The following KIF5A variants were observed in gnomAD, a reference collection of about 807,000 sequenced individuals.
KIF5A encodes the protein kinesin family member 5A.
KIF5A carries 35 observed loss-of-function variants against 141.3 expected under a neutral mutation model. The observed-to-expected ratio is 0.25, with a 90% CI of 0.19 to 0.33. The LOEUF (loss-of-function observed/expected upper bound fraction) is 0.33. Among genes scored for constraint, KIF5A ranks in the 10% least tolerant of loss-of-function variants. The pLI is 1.00. For missense variants in KIF5A, 861 were observed against 1,314.3 expected, an observed-to-expected ratio of 0.66 and a Z score of 5.33; for synonymous variants, 448 against 500.2, an observed-to-expected ratio of 0.90 and a Z score of 1.39.
At chr12:57,581,292 C>G (rs111584441) in intron 24 of KIF5A, 120 bp downstream of exon 24, 97 of 1,526,236 alleles carry the variant, frequency 6.4e-5, no homozygotes, top group Non-Finnish European at 3.3e-5. Context: ...CCACTTCCCC[C>G]CAAAAAGTAA....
Position 57,564,477 on chromosome 12 carries a change from T to A in KIF5A, c.414T>A (p.Ile138=). ...TTAACCAGGTTTCTTACTTTGAAAT[T>A]TACCTGGACAAAATTCGTGACCTTC... ...EFHIKVSYFE[I]YLDKIRDLLD... The change falls in exon 5 of 29, where the codon ATT becomes ATA. Residue 138 remains isoleucine, a synonymous_variant. Transcript: ENST00000455537. 1.2e-6 allele frequency: 2 copies of A among 1,612,834 alleles called. No individual in the cohort carries two copies. Among genetic ancestry groups the A allele is most frequent in the Admixed American group, 3.3e-5 (2 of 60,026 alleles).
At chr12:57,576,209 C>T in intron 18 of KIF5A, 58 bp downstream of exon 18, 1 of 1,607,790 alleles carries the variant, frequency 6.2e-7, no homozygotes, top group Non-Finnish European at 8.5e-7. Flanking sequence ...GCTGTGCTGG[C>T]CCTCACAGAG....
chr12:57,578,097 G>A lies in KIF5A; in HGVS notation c.2433+17G>A. 1 of 1,610,806 alleles carries A rather than the reference G, an allele frequency of 6.2e-7. No individual in the cohort carries two copies. Among genetic ancestry groups the A allele is most frequent in the African/African-American group, 1.3e-5 (1 of 74,968 alleles). On this transcript the variant is annotated intron_variant, in intron 22 of 28. Transcript: ENST00000455537. Reference sequence around the variant, plus strand: ...GTCAAGAAAGTGAGTGCTGTCCTTGGGGTTTTGTCAGCCCCCACATCCTCC... The same window carrying A: ...GTCAAGAAAGTGAGTGCTGTCCTTGAGGTTTTGTCAGCCCCCACATCCTCC...
rs1023872900 is a variant in KIF5A, at chr12:57,568,865, TC to T, written c.715-96del. The T allele has an allele frequency of 1.3e-5, 10 of 782,582 alleles. No homozygotes were observed. The African/African-American group carries it at 1.7e-4, about 13-fold the overall frequency. The allele number at this position is 782,582 out of a possible 1,614,324, so 48.5% of individuals were successfully genotyped here. A position where few individuals can be genotyped will look rare whatever the true frequency, so the allele number is the denominator to read the frequency against. ...TCTGTTACTCCATCTTCTTCCCTGT[TC>T]CTTCCTTCCTCCGTGGACTGAGCCC... On this transcript the variant is annotated intron_variant, in intron 8 of 28. Coordinates refer to ENST00000455537, the MANE Select transcript of KIF5A (RefSeq NM_004984.4).
At chr12:57,579,741 A>G (rs1279630520) in intron 23 of KIF5A, among the ~76,000 whole-genome samples, 2 of 152,232 alleles carry the variant, frequency 1.3e-5, no homozygotes, top group African/African-American at 4.8e-5. Context: ...TATGTTGCTT[A>G]GAACACACAC....
intron 21 of KIF5A, 117 bp downstream of exon 21, chr12:57,577,890 A>AT (rs2040473153): frequency 3.2e-6 from 4 of 1,254,942 alleles, no homozygotes; most frequent in East Asian, 4.6e-5. Flanking sequence ...ATCAAGACAC[A>AT]TTTTTTCCTA....
At chr12:57,557,653 TTAC>T (rs1009235285) in intron 1 of KIF5A, among the ~76,000 whole-genome samples, 35 of 152,192 alleles carry the variant, frequency 2.3e-4, no homozygotes, top group Admixed American at 1.0e-3. Flanking sequence ...CAAAATATTA[TTAC>T]TATTTTGCCA....
chr12:57,555,973 G>A (rs985078088), intron 1 of KIF5A, among the ~76,000 whole-genome samples: 1 of 151,002 alleles, frequency 6.6e-6, no homozygotes, highest in Admixed American at 6.6e-5. Flanking sequence ...CATTTTAAAA[G>A]GAATAAACAA....
intron 4 of KIF5A, 42 bp from the exon 5 acceptor site, chr12:57,564,418 T>C (rs766789136): frequency 1.5e-5 from 21 of 1,443,168 alleles, no homozygotes; most frequent in Non-Finnish European, 2.0e-5. Flanking sequence ...AGATTTAAGA[T>C]AGGCCCTCTT....
intron 1 of KIF5A, among the ~76,000 whole-genome samples, chr12:57,560,275 C>T (rs1437228407): frequency 6.6e-6 from 1 of 152,216 alleles, no homozygotes; most frequent in Non-Finnish European, 1.5e-5. Flanking sequence ...GTTAACCAGT[C>T]TCCTAAATGT....
In KIF5A at chr12:57,586,016, A is replaced by G. The variant is rs1426965777; in HGVS notation, c.*1835A>G. On this transcript the variant is annotated 3_prime_UTR_variant, in exon 29 of 29. Coordinates refer to ENST00000455537, the MANE Select transcript of KIF5A (RefSeq NM_004984.4). ...ATGAGCCCTTGAACAGTCCTAAGAG[A>G]CCCTGAGGATTCTGTGGAGTAGTTT... The G allele has an allele frequency of 2.0e-5, 3 of 148,994 alleles. No homozygotes were observed. Among genetic ancestry groups the G allele is most frequent in the Non-Finnish European group, 4.4e-5 (3 of 67,578 alleles). The allele number at this position is 148,994 out of a possible 1,614,324, so 9.2% of individuals were successfully genotyped here.
chr12:57,580,067 C>T (rs138438774), intron 23 of KIF5A, among the ~76,000 whole-genome samples: 1 of 152,264 alleles, frequency 6.6e-6, no homozygotes, highest in African/African-American at 2.4e-5. Flanking sequence ...ATTGTCACAG[C>T]AAAACATTGC....
chr12:57,583,037 TA>T, intron 27 of KIF5A, 63 bp from the exon 28 acceptor site: 1 of 1,314,964 alleles, frequency 7.6e-7, no homozygotes, highest in Non-Finnish European at 1.1e-6. Context: ...CAGAGCAGAG[TA>T]ACCATGATGA....
rs1209967988 is a variant in KIF5A at position 57,550,115 on chromosome 12, G to A, written c.-157G>A. ...CCGCAGGAGAGAGACAGCGCGCCCCGGCCCTGCTCCCCAGGCTTCGCCCGG... is the reference window on the plus strand; with the variant it reads ...CCGCAGGAGAGAGACAGCGCGCCCCAGCCCTGCTCCCCAGGCTTCGCCCGG... On this transcript the variant is annotated 5_prime_UTR_variant, in exon 1 of 29. Coordinates refer to ENST00000455537, the MANE Select transcript of KIF5A (RefSeq NM_004984.4). This position sits in a 1 kb window ranked among gnomAD's most constrained non-coding sequence, Gnocchi z 4.6. 18 of 977,858 alleles carry A rather than the reference G, an allele frequency of 1.8e-5. No individual in the cohort carries two copies. Among genetic ancestry groups the A allele is most frequent in the East Asian group, 7.5e-5 (3 of 40,004 alleles). 60.6% of individuals were successfully genotyped at this position (977,858 alleles called of 1,614,324 possible).
chr12:57,579,487 A>G (rs1009999629), intron 23 of KIF5A, among the ~76,000 whole-genome samples: 1 of 152,146 alleles, frequency 6.6e-6, no homozygotes, highest in Admixed American at 6.5e-5. Context: ...CAGCTTATAT[A>G]GTAAATATTC....
At chr12:57,557,046 G>C (rs1262608452) in intron 1 of KIF5A, among the ~76,000 whole-genome samples, 1 of 151,996 alleles carries the variant, frequency 6.6e-6, no homozygotes, top group Admixed American at 6.6e-5. Flanking sequence ...TCATCAACTT[G>C]AACCCATACA....
At chr12:57,570,663 G>C (rs1236128385) in intron 12 of KIF5A, among the ~76,000 whole-genome samples, 2 of 152,142 alleles carry the variant, frequency 1.3e-5, no homozygotes, top group African/African-American at 4.8e-5. Context: ...TGGATTACAG[G>C]CGTGAGCCAC....
At chr12:57,564,850 T>C in intron 5 of KIF5A, 68 bp from the exon 6 acceptor site, 1 of 1,434,824 alleles carries the variant, frequency 7.0e-7, no homozygotes, top group Non-Finnish European at 9.8e-7. Context: ...CCATCTGAGC[T>C]GACTGCAAGG....
rs1335526014 is a variant in KIF5A, at chr12:57,571,237, T to A, written c.1294-84T>A. On this transcript the variant is annotated intron_variant, in intron 12 of 28. Coordinates refer to ENST00000455537, the MANE Select transcript of KIF5A (RefSeq NM_004984.4). ...TATACTATCTGGATTTTTATCAGGA[T>A]CCTGCCTCTACCCCCAAACTTCTTA... The A allele has an allele frequency of 4.8e-6, 4 of 831,596 alleles. No homozygotes were observed. The Admixed American group carries it at 5.2e-5, about 11-fold the overall frequency. 51.5% of individuals were successfully genotyped at this position (831,596 alleles called of 1,614,324 possible). A position where few individuals can be genotyped will look rare whatever the true frequency, so the allele number is the denominator to read the frequency against.
Sources: allele counts gnomAD v4.1 joint callset (sites outside exome capture counted in the v4.1 genomes callset), GRCh38; gene constraint gnomAD v4.1.1; non-coding constraint Gnocchi (gnomAD v3.1); transcripts MANE v1.5; gene names NCBI Gene and HGNC (gene_info 2026-07-23, HGNC 2026-07-21).